The following CSMD1 variants were observed in gnomAD, a reference collection of about 807,000 sequenced individuals.
The protein encoded by CSMD1 is CUB and sushi domain-containing protein 1.
In CSMD1, 213 loss-of-function variants were observed where a neutral mutation model predicts 417.5. The ratio of observed to expected loss-of-function variants is 0.51; its 90% CI spans 0.46 to 0.57. The LOEUF is 0.57. Ranked by LOEUF, CSMD1 falls within the 20% of genes least tolerant of loss-of-function variation. CSMD1 has a pLI of 0.00. For synonymous variants in CSMD1, 2,862 were observed against 1,736.8 expected, an observed-to-expected ratio of 1.65 and a Z score of -16.11; for missense variants, 6,923 against 4,529.7, an observed-to-expected ratio of 1.53 and a Z score of -15.17.
chr8:4,392,962 C>A (rs930106832), intron 3 of CSMD1, among the ~76,000 whole-genome samples: 2 of 151,954 alleles, frequency 1.3e-5, no homozygotes, highest in African/African-American at 4.8e-5. Context: ...CGGTGGGACA[C>A]TGTGTCAAAA....
chr8:4,934,279 G>C (rs1188252068), intron 1 of CSMD1, among the ~76,000 whole-genome samples: 1 of 152,070 alleles, frequency 6.6e-6, no homozygotes, highest in African/African-American at 2.4e-5. Flanking sequence ...GAATGCTTTG[G>C]GACCATCCAA....
intron 3 of CSMD1, among the ~76,000 whole-genome samples, chr8:4,305,162 G>GT (rs2128875747): frequency 6.6e-6 from 1 of 152,318 alleles, no homozygotes; most frequent in African/African-American, 2.4e-5. Flanking sequence ...TTGAAAGATA[G>GT]TTTTTAACCC....
At chr8:4,332,552 T>TACACACACACACAC (rs368534632) in intron 3 of CSMD1, among the ~76,000 whole-genome samples, 2 of 128,746 alleles carry the variant, frequency 1.6e-5, no homozygotes, top group Non-Finnish European at 3.3e-5. Flanking sequence ...TGATATCACA[T>TACACACACACACAC]ACACACACAC....
chr8:3,132,913 G>C (rs1817871688), intron 41 of CSMD1, among the ~76,000 whole-genome samples: 1 of 152,140 alleles, frequency 6.6e-6, no homozygotes, highest in South Asian at 2.1e-4. Context: ...CTGTGCTCCA[G>C]GAAATATCTA....
At chr8:3,717,933 T>C (rs1431537150) in intron 6 of CSMD1, among the ~76,000 whole-genome samples, 1 of 152,202 alleles carries the variant, frequency 6.6e-6, no homozygotes, top group Non-Finnish European at 1.5e-5. Context: ...TAGTCAAGGC[T>C]GTTAATCTAC....
Position 4,868,297 on chromosome 8 carries a change from G to T in CSMD1, c.85+126035C>A, listed in dbSNP as rs193112714. ...CACCCAGGCTGGAGAGCAGTGGCGC[G>T]ATCTCGGCTCAGTGAAACCTCCATC... On this transcript the variant is annotated intron_variant, in intron 1 of 69. Transcript: ENST00000635120. Among the ~76,000 whole-genome samples the T allele has an allele frequency of 1.0e-3, 157 of 152,152 alleles. 2 individuals are homozygous for T. Among genetic ancestry groups the T allele is most frequent in the African/African-American group, 3.7e-3 (153 of 41,454 alleles).
intron 5 of CSMD1, among the ~76,000 whole-genome samples, chr8:3,936,316 G>A (rs879685214): frequency 1.3e-5 from 2 of 152,164 alleles, no homozygotes; most frequent in African/African-American, 2.4e-5. Flanking sequence ...CTAAAAGGCA[G>A]ATATTGAGTG....
intron 52 of CSMD1, among the ~76,000 whole-genome samples, chr8:3,003,692 G>T (rs1807619558): frequency 1.3e-5 from 2 of 152,200 alleles, no homozygotes; most frequent in African/African-American, 4.8e-5. Context: ...GCTGTCACGT[G>T]CAGAGTCCTG....
At chr8:3,111,891 T>C (rs1816542878) in intron 42 of CSMD1, among the ~76,000 whole-genome samples, 3 of 152,024 alleles carry the variant, frequency 2.0e-5, no homozygotes, top group Admixed American at 2.0e-4. Context: ...GCTACTTTTG[T>C]CTCCTGTTGG....
chr8:2,970,522 T>C (rs991750597), intron 57 of CSMD1, among the ~76,000 whole-genome samples: 1 of 152,224 alleles, frequency 6.6e-6, no homozygotes, highest in Non-Finnish European at 1.5e-5. Flanking sequence ...ATTATATCTA[T>C]AAAGTCTGAA....
intron 5 of CSMD1, among the ~76,000 whole-genome samples, chr8:3,959,073 A>G (rs1812153546): frequency 1.3e-5 from 2 of 152,182 alleles, no homozygotes; most frequent in Admixed American, 6.5e-5. Flanking sequence ...ATGTTTCTCA[A>G]GCTCAGCTCT....
intron 1 of CSMD1, among the ~76,000 whole-genome samples, chr8:4,850,910 C>G (rs1220333385): frequency 6.8e-6 from 1 of 147,648 alleles, no homozygotes; most frequent in Non-Finnish European, 1.5e-5. Flanking sequence ...TCCCTTGCCC[C>G]CCCACTTTTT....
chr8:4,539,435 C>T (rs1797271689), intron 2 of CSMD1, among the ~76,000 whole-genome samples: 1 of 152,112 alleles, frequency 6.6e-6, no homozygotes, highest in Non-Finnish European at 1.5e-5. Flanking sequence ...CATTTTTAGT[C>T]AGTCTTCAAA....
In CSMD1 at chr8:3,504,780, T is replaced by C. The variant is rs376438971; in HGVS notation, c.1345-11054A>G. 1.5e-4 allele frequency among the ~76,000 whole-genome samples: 23 copies of C among 152,282 alleles called. No homozygotes were observed. In the East Asian group the frequency reaches 3.3e-3, roughly 22 times the overall value. ...GTGTGGTTTTCACAAACTACTTAGA[T>C]GAAGAAATTGTGGATGCTTGAGGAG... is the stretch of plus-strand genomic sequence containing the variant. On this transcript the variant is annotated intron_variant, in intron 10 of 69. Coordinates refer to ENST00000635120, the MANE Select transcript of CSMD1 (RefSeq NM_033225.6).
intron 3 of CSMD1, among the ~76,000 whole-genome samples, chr8:4,296,674 C>A (rs1797701983): frequency 1.4e-5 from 2 of 147,428 alleles, no homozygotes; most frequent in South Asian, 4.3e-4. Flanking sequence ...AGGCTTGGGT[C>A]CCTGAAAACA....
intron 7 of CSMD1, among the ~76,000 whole-genome samples, chr8:3,706,117 C>T (rs1166546377): frequency 2.0e-5 from 3 of 152,238 alleles, no homozygotes; most frequent in Non-Finnish European, 1.5e-5. Context: ...CCGTTCGCCC[C>T]GTGTGGTTCA....
chr8:4,904,075 A>G (rs1275035556), intron 1 of CSMD1, among the ~76,000 whole-genome samples: 1 of 152,092 alleles, frequency 6.6e-6, no homozygotes, highest in Non-Finnish European at 1.5e-5. Context: ...AGGACTTACC[A>G]TGGAAAAGAA....
intron 25 of CSMD1, among the ~76,000 whole-genome samples, chr8:3,302,918 C>G (rs752722336): frequency 6.6e-6 from 1 of 152,168 alleles, no homozygotes; most frequent in African/African-American, 2.4e-5. Context: ...TTTCCTCTGA[C>G]TCAGGCTCTC....
chr8:3,105,190 G>T lies in CSMD1; in HGVS notation c.6949+1338C>A, dbSNP rs1013457487. 3.9e-5 allele frequency among the ~76,000 whole-genome samples: 6 copies of T among 152,294 alleles called. No individual in the cohort carries two copies. In the Middle Eastern group the frequency reaches 0.014, roughly 345 times the overall value. ...TTACAACAATCTCAAAAATAAAGCG[G>T]ATAAATCATCCTCTGTGTGCACAGT... On this transcript the variant is annotated intron_variant, in intron 46 of 69. Coordinates refer to ENST00000635120, the MANE Select transcript of CSMD1 (RefSeq NM_033225.6).
Sources: gnomAD v4.1 joint callset for allele counts (sites outside exome capture counted in the v4.1 genomes callset) on GRCh38, gnomAD v4.1.1 for gene constraint, MANE v1.5 for transcripts, NCBI Gene and HGNC (gene_info 2026-07-23, HGNC 2026-07-21) for gene names.